Variants in CDK7 observed in about 807,000 individuals in gnomAD.
CDK7 encodes the protein cyclin dependent kinase 7, also known as cyclin-dependent kinase 7.
Under a neutral mutation model 49.1 loss-of-function variants are expected in CDK7, and 25 were observed. That is an observed-to-expected ratio of 0.51 (90% CI 0.37 to 0.71). CDK7 has a LOEUF of 0.71. Among genes scored for constraint, CDK7 ranks in the 30% least tolerant of loss-of-function variants. The pLI is 0.00. For synonymous variants in CDK7, 107 were observed against 140.0 expected (o/e 0.76, Z 1.67); for missense variants, 316 against 411.7 (o/e 0.77, Z 2.01).
chr5:69,244,280 A>G (rs1381088330), intron 2 of CDK7, among the ~76,000 whole-genome samples: 4 of 152,038 alleles, frequency 2.6e-5, no homozygotes, highest in Non-Finnish European at 5.9e-5. Flanking sequence ...TGATTTTTGT[A>G]TGTTGATTTT....
intron 1 of CDK7, 65 bp downstream of exon 1, chr5:69,235,106 C>T: frequency 6.8e-7 from 1 of 1,473,146 alleles, no homozygotes. Flanking sequence ...TCCACCTTTG[C>T]GGGTTTTCCC....
intron 5 of CDK7, 46 bp downstream of exon 5, chr5:69,255,574 A>G (rs746733842): frequency 1.6e-6 from 2 of 1,269,928 alleles, no homozygotes; most frequent in African/African-American, 2.9e-5. Context: ...CAGTTTATCA[A>G]ACAAGAACCT....
At chr5:69,277,078 T>C (rs1304176868) in intron 11 of CDK7, 29 bp from the exon 12 acceptor site, 1 of 1,573,820 alleles carries the variant, frequency 6.4e-7, no homozygotes, top group Admixed American at 1.9e-5. Flanking sequence ...TGAACAACTT[T>C]TTTTTTTCTT....
In CDK7 at chr5:69,234,988, G is replaced by T; in HGVS notation, c.13G>T (p.Val5Leu). The change falls in exon 1 of 12, where the codon GTG (valine) becomes TTG (leucine). Residue 5 changes from valine to leucine, a missense_variant. Physicochemically the swap from Val to Leu is conservative, Grantham distance 32 (BLOSUM62 1). Coordinates refer to ENST00000256443, the MANE Select transcript of CDK7 (RefSeq NM_001799.4). ...TTTACGGCGCCGGATGGCTCTGGAC[G>T]TGAAGTCTCGGGCAAAGCGTTATGA... MALD[V>L]KSRAKRYEKL... is the part of the protein sequence containing the mutation. 2 of 1,599,182 alleles carry T rather than the reference G, an allele frequency of 1.3e-6. No homozygotes were observed. The highest frequency in any genetic ancestry group is 1.7e-6 in the Non-Finnish European group (2 of 1,173,236).
intron 2 of CDK7, among the ~76,000 whole-genome samples, chr5:69,240,457 G>A (rs923485430): frequency 6.6e-6 from 1 of 152,188 alleles, no homozygotes; most frequent in African/African-American, 2.4e-5. Context: ...ATGACATGAA[G>A]TCTGGGGTTT....
At position 69,252,448 on chromosome 5, in the gene CDK7, G is replaced by C; in HGVS notation, c.157G>C (p.Asp53His). The C allele has an allele frequency of 1.4e-6, 2 of 1,420,612 alleles. No homozygotes were observed. The highest frequency in any genetic ancestry group is 1.3e-5 in the South Asian group (1 of 79,136). The allele number at this position is 1,420,612 out of a possible 1,614,324, so 88.0% of individuals were successfully genotyped here. The change falls in exon 3 of 12, where the codon GAT becomes CAT. Residue 53 changes from aspartate to histidine, a missense_variant. Physicochemically the swap from Asp to His is moderately conservative, Grantham distance 81. Transcript: ENST00000256443. ...IKLGHRSEAK[D>H]GINRTALREI... is the part of the protein sequence containing the mutation. ...ACTTGGACATAGATCAGAAGCTAAA[G>C]ATGGTAAGTATTTCATGTAATCTGA...
At chr5:69,264,614 G>C (rs1185072975) in intron 8 of CDK7, among the ~76,000 whole-genome samples, 1 of 152,126 alleles carries the variant, frequency 6.6e-6, no homozygotes, top group African/African-American at 2.4e-5. Flanking sequence ...ATGGAGGGTA[G>C]GAAATCTCAA....
intron 2 of CDK7, among the ~76,000 whole-genome samples, chr5:69,239,740 T>G (rs1490101049): frequency 1.3e-5 from 2 of 152,168 alleles, no homozygotes; most frequent in African/African-American, 4.8e-5. Context: ...TTTAAAGGCT[T>G]CCTTTTTATG....
rs1384652732 is a variant in CDK7 at position 69,277,092 on chromosome 5, CT to C, written c.1013-10del. The C allele has an allele frequency of 1.3e-6, 2 of 1,571,856 alleles. No homozygotes were observed. Among genetic ancestry groups the C allele is most frequent in the East Asian group, 2.3e-5 (1 of 43,534 alleles). ...GTGAACAACTTTTTTTTTTCTTGTT[CT>C]TTTTGCTTCCTAGGAGGATTGCCCA... is the stretch of plus-strand genomic sequence containing the variant. On this transcript the variant is annotated splice_polypyrimidine_tract_variant and intron_variant, in intron 11 of 11. Coordinates refer to ENST00000256443, the MANE Select transcript of CDK7 (RefSeq NM_001799.4).
chr5:69,253,005 T>G (rs1750250284), intron 3 of CDK7, among the ~76,000 whole-genome samples: 2 of 152,206 alleles, frequency 1.3e-5, no homozygotes, highest in Non-Finnish European at 2.9e-5. Flanking sequence ...GCAGCAAGCT[T>G]AATTAGTTTG....
intron 8 of CDK7, among the ~76,000 whole-genome samples, chr5:69,264,754 C>CG (rs1276539535): frequency 3.3e-5 from 5 of 149,846 alleles, no homozygotes; most frequent in African/African-American, 1.2e-4. Flanking sequence ...GTGGATCACC[C>CG]AAGGTTGGGA....
intron 2 of CDK7, among the ~76,000 whole-genome samples, chr5:69,250,177 A>C (rs1409130160): frequency 6.6e-6 from 1 of 152,228 alleles, no homozygotes; most frequent in Non-Finnish European, 1.5e-5. Context: ...TATTTATTAT[A>C]GTCTTCACAG....
At chr5:69,247,944 TTA>T (rs1749867504) in intron 2 of CDK7, among the ~76,000 whole-genome samples, 1 of 152,256 alleles carries the variant, frequency 6.6e-6, no homozygotes, top group African/African-American at 2.4e-5. Context: ...GGTTCATTTT[TTA>T]TCTTTCTGCT....
At chr5:69,246,364 T>C (rs2150192479) in intron 2 of CDK7, among the ~76,000 whole-genome samples, 1 of 152,218 alleles carries the variant, frequency 6.6e-6, no homozygotes, top group Middle Eastern at 3.4e-3. Flanking sequence ...CTCGATCTTC[T>C]GACCTCGTGA....
chr5:69,277,074 A>C (rs1229519916), intron 11 of CDK7, 33 bp from the exon 12 acceptor site: 2 of 1,553,302 alleles, frequency 1.3e-6, no homozygotes, highest in Non-Finnish European at 8.7e-7. Context: ...AATGTGAACA[A>C]CTTTTTTTTT....
chr5:69,275,481 A>G (rs1001165863), intron 10 of CDK7, among the ~76,000 whole-genome samples: 3 of 152,172 alleles, frequency 2.0e-5, no homozygotes, highest in Non-Finnish European at 2.9e-5. Flanking sequence ...AATGTACAAT[A>G]TTTCACTAAG....
chr5:69,270,783 T>G (rs1431825047), intron 9 of CDK7, among the ~76,000 whole-genome samples: 3 of 152,212 alleles, frequency 2.0e-5, no homozygotes, highest in Non-Finnish European at 4.4e-5. Context: ...TTCATTCAGG[T>G]CATTGCATGT....
intron 7 of CDK7, among the ~76,000 whole-genome samples, chr5:69,261,490 CTGTGTGTGTG>C (rs1168767153): frequency 0.01 from 1,438 of 139,646 alleles, 6 homozygotes; most frequent in Non-Finnish European, 0.015. Flanking sequence ...AAAAGGTTCT[CTGTGTGTGTG>C]TGTGTGTGTG....
intron 2 of CDK7, among the ~76,000 whole-genome samples, chr5:69,238,285 C>CTTTTTTTTTTTTTTTTTTTT (rs11291825): frequency 7.7e-6 from 1 of 130,022 alleles, no homozygotes. Flanking sequence ...TTTTTTTTTC[C>CTTTTTTTTTTTTTTTTTTTT]TTTTTTTTTT....
Sources: gnomAD v4.1 joint callset for allele counts (sites outside exome capture counted in the v4.1 genomes callset) on GRCh38, gnomAD v4.1.1 for gene constraint, MANE v1.5 for transcripts, NCBI Gene and HGNC (gene_info 2026-07-23, HGNC 2026-07-21) for gene names.